The following SP140L variants were observed in gnomAD, a reference collection of about 807,000 sequenced individuals.
SP140L encodes SP140 like nuclear body protein.
A neutral mutation model predicts 84.3 loss-of-function variants in SP140L; 64 were observed. The observed-to-expected ratio is 0.76, with a 90% CI of 0.62 to 0.94. SP140L has a LOEUF of 0.94. Ranked by LOEUF, SP140L falls within the 40% of genes least tolerant of loss-of-function variation. SP140L has a pLI of 0.00. For synonymous variants in SP140L, 242 were observed against 236.9 expected (o/e 1.02, Z -0.20); for missense variants, 628 against 692.5 (o/e 0.91, Z 1.05).
At chr2:230,342,167 G>C (rs1462182948) in intron 2 of SP140L, 1 of 164,260 alleles carries the variant, frequency 6.1e-6, no homozygotes, top group Non-Finnish European at 1.3e-5. Context: ...AGGACCTTCC[G>C]AGCCAGGTGT....
At chr2:230,370,793 G>A in intron 5 of SP140L, 115 bp from the exon 6 acceptor site, 1 of 888,326 alleles carries the variant, frequency 1.1e-6, no homozygotes, top group Non-Finnish European at 1.8e-6. Context: ...CAACCAGGGT[G>A]CAGAAAAGAG....
intron 2 of SP140L, among the ~76,000 whole-genome samples, chr2:230,345,837 C>A (rs1215007976): frequency 1.3e-5 from 2 of 152,064 alleles, no homozygotes; most frequent in East Asian, 3.9e-4. Context: ...TATCTAAAAC[C>A]AAATTACTAT....
At chr2:230,365,699 G>A (rs2060845567) in intron 5 of SP140L, among the ~76,000 whole-genome samples, 1 of 151,270 alleles carries the variant, frequency 6.6e-6, no homozygotes, top group Non-Finnish European at 1.5e-5. Flanking sequence ...TTTTTTGTCT[G>A]AAGTTTCCTA....
chr2:230,399,576 C>T (rs1395721809), intron 14 of SP140L, among the ~76,000 whole-genome samples: 1 of 152,226 alleles, frequency 6.6e-6, no homozygotes, highest in African/African-American at 2.4e-5. Context: ...CATGTGTACT[C>T]ATGGTCCTTC....
chr2:230,384,634 C>A (rs558125931), intron 8 of SP140L, among the ~76,000 whole-genome samples: 6 of 151,990 alleles, frequency 3.9e-5, no homozygotes, highest in Admixed American at 6.6e-5. Context: ...TGTTTTTGGC[C>A]GGGCATGGTG....
At chr2:230,342,633 T>C (rs112929692) in intron 2 of SP140L, among the ~76,000 whole-genome samples, 3,607 of 152,322 alleles carry the variant, frequency 0.024, 147 homozygotes, top group African/African-American at 0.082. Context: ...GTAGGTTGTA[T>C]GTTTCTAGGA....
At chr2:230,381,043 G>C (rs1057342531) in intron 7 of SP140L, among the ~76,000 whole-genome samples, 2 of 152,136 alleles carry the variant, frequency 1.3e-5, no homozygotes, top group African/African-American at 4.8e-5. Flanking sequence ...CAAGACCCAA[G>C]AAAAGGATGG....
chr2:230,356,901 C>CTT (rs34011028), intron 2 of SP140L, among the ~76,000 whole-genome samples: 9 of 151,878 alleles, frequency 5.9e-5, no homozygotes, highest in East Asian at 1.9e-4. Context: ...TAACCAGAAA[C>CTT]TTTTTTTTAC....
chr2:230,381,528 G>A (rs1373635080), intron 7 of SP140L, among the ~76,000 whole-genome samples: 5 of 152,112 alleles, frequency 3.3e-5, no homozygotes, highest in African/African-American at 4.8e-5. Context: ...TGACCCATGG[G>A]TCCAGATATA....
At chr2:230,361,248 G>A (rs2060708124) in intron 4 of SP140L, among the ~76,000 whole-genome samples, 1 of 152,150 alleles carries the variant, frequency 6.6e-6, no homozygotes, top group Admixed American at 6.5e-5. Context: ...CACTGCACCT[G>A]GCCAGTTTTC....
chr2:230,350,685 G>A (rs544050768), intron 2 of SP140L, among the ~76,000 whole-genome samples: 9 of 152,140 alleles, frequency 5.9e-5, no homozygotes, highest in Non-Finnish European at 8.8e-5. Context: ...TATTTAAGAC[G>A]TTAGGGATTG....
chr2:230,332,071 T>C (rs2059739603), intron 2 of SP140L, among the ~76,000 whole-genome samples: 1 of 152,224 alleles, frequency 6.6e-6, no homozygotes, highest in Non-Finnish European at 1.5e-5. Flanking sequence ...AATGTTTAAC[T>C]TGAGACTTTC....
rs184068216 is a variant in SP140L at position 230,363,968 on chromosome 2, C to T, written c.523+2271C>T. ...TGTTCTTGGCACCTTTGTTGAAAATCAGTTGACCAAAAATGCATGGATTCA... is the reference window on the plus strand; with the variant it reads ...TGTTCTTGGCACCTTTGTTGAAAATTAGTTGACCAAAAATGCATGGATTCA... On this transcript the variant is annotated intron_variant, in intron 5 of 18. Coordinates refer to ENST00000415673, the MANE Select transcript of SP140L (RefSeq NM_138402.6). Among the ~76,000 whole-genome samples the T allele has an allele frequency of 1.5e-3, 227 of 152,172 alleles. 2 individuals are homozygous for T. Among genetic ancestry groups the T allele is most frequent in the Middle Eastern group, 3.4e-3 (1 of 294 alleles).
intron 7 of SP140L, among the ~76,000 whole-genome samples, chr2:230,376,200 A>T (rs896526689): frequency 6.6e-6 from 1 of 152,172 alleles, no homozygotes; most frequent in African/African-American, 2.4e-5. Context: ...ACCCTTGTCA[A>T]GATTAAGTGC....
In SP140L at chr2:230,389,914, T is replaced by C; in HGVS notation, c.860-5T>C. 1 of 1,613,428 alleles carries C rather than the reference T, an allele frequency of 6.2e-7. No individual in the cohort carries two copies. The highest frequency in any genetic ancestry group is 8.5e-7 in the Non-Finnish European group (1 of 1,179,606). ...GAGACAGAATGAAGAAATCCTCTCTTTCAGCTTCAAGAAAGCACAAAGATG... is the reference window on the plus strand; with the variant it reads ...GAGACAGAATGAAGAAATCCTCTCTCTCAGCTTCAAGAAAGCACAAAGATG... On this transcript the variant is annotated splice_region_variant and splice_polypyrimidine_tract_variant and intron_variant, in intron 10 of 18. Transcript: ENST00000415673.
At chr2:230,355,223 ATACTT>A (rs2060506936) in intron 2 of SP140L, among the ~76,000 whole-genome samples, 1 of 152,186 alleles carries the variant, frequency 6.6e-6, no homozygotes. Flanking sequence ...AAATCTATAA[ATACTT>A]TACTAGAACT....
At chr2:230,346,860 A>T (rs968227656) in intron 2 of SP140L, among the ~76,000 whole-genome samples, 1 of 152,206 alleles carries the variant, frequency 6.6e-6, no homozygotes, top group African/African-American at 2.4e-5. Flanking sequence ...TCTGAATGTC[A>T]GTTAGCTCAT....
rs191563749 is a variant in SP140L, at chr2:230,394,641, C to T, written c.1155+1180C>T. On this transcript the variant is annotated intron_variant, in intron 13 of 18. Coordinates refer to ENST00000415673, the MANE Select transcript of SP140L (RefSeq NM_138402.6). ...AATGAGCTGGCAATTTCCAACCAACCGACTCTCCCTCTATTCAGGGGTGCA... is the reference window on the plus strand; with the variant it reads ...AATGAGCTGGCAATTTCCAACCAACTGACTCTCCCTCTATTCAGGGGTGCA... Among the ~76,000 whole-genome samples, 1,024 of 152,266 alleles carry T rather than the reference C, an allele frequency of 6.7e-3. 8 individuals are homozygous for T. Among genetic ancestry groups the T allele is most frequent in the Non-Finnish European group, 0.012 (785 of 68,028 alleles).
At chr2:230,389,321 G>T (rs1009037194) in intron 10 of SP140L, among the ~76,000 whole-genome samples, 1 of 152,012 alleles carries the variant, frequency 6.6e-6, no homozygotes, top group Non-Finnish European at 1.5e-5. Flanking sequence ...GTAGTATCCG[G>T]TTCTCAGTTC....
Sources: gnomAD v4.1 joint callset for allele counts (sites outside exome capture counted in the v4.1 genomes callset) on GRCh38, gnomAD v4.1.1 for gene constraint, MANE v1.5 for transcripts, NCBI Gene and HGNC (gene_info 2026-07-23, HGNC 2026-07-21) for gene names.